The following LRP1B variants were observed in gnomAD, a reference collection of about 807,000 sequenced individuals.
LRP1B encodes LDL receptor related protein 1B.
A neutral mutation model predicts 556.6 loss-of-function variants in LRP1B; 217 were observed. That is an observed-to-expected ratio of 0.39 (90% CI 0.35 to 0.44). The LOEUF is 0.44. Among genes scored for constraint, LRP1B ranks in the 20% least tolerant of loss-of-function variants. The pLI is 1.00. For missense variants in LRP1B, 5,053 were observed against 5,620.8 expected, an observed-to-expected ratio of 0.90 and a Z score of 3.23; for synonymous variants, 2,047 against 1,865.8, an observed-to-expected ratio of 1.10 and a Z score of -2.50.
intron 1 of LRP1B, among the ~76,000 whole-genome samples, chr2:141,869,246 A>G (rs994778200): frequency 4.6e-5 from 7 of 152,054 alleles, no homozygotes; most frequent in African/African-American, 1.7e-4. Context: ...AAATATGGTT[A>G]CTGCAATGAA....
chr2:141,361,527 A>T (rs940152428), intron 3 of LRP1B, among the ~76,000 whole-genome samples: 1 of 152,224 alleles, frequency 6.6e-6, no homozygotes, highest in East Asian at 1.9e-4. Context: ...AAAATATTTT[A>T]AAAACCCTAA....
chr2:140,238,420 G>T, intron 88 of LRP1B, 124 bp from the exon 89 acceptor site: 1 of 529,044 alleles, frequency 1.9e-6, no homozygotes, highest in Non-Finnish European at 3.2e-6. Flanking sequence ...CATTTGTCAA[G>T]TAACAGAGGA....
rs1194955527 is a variant in LRP1B at position 141,015,803 on chromosome 2, G to T, written c.2083C>A (p.Leu695Met). Reference protein sequence around the residue: ...NRQIFVTSKMLWPNGLTLDFH... With the variant: ...NRQIFVTSKMMWPNGLTLDFH... ...TCCAGAGTTAAACCGTTTGGCCACAGCATCTTTGAAGTCACAAAAATCTGC... is the reference window on the plus strand; with the variant it reads ...TCCAGAGTTAAACCGTTTGGCCACATCATCTTTGAAGTCACAAAAATCTGC... Residue 695 changes from leucine (L) to methionine (M), a missense_variant, in exon 13 of 91, where the codon CTG becomes ATG. Around this residue, in one of 5 missense-constraint regions of LRP1B, gnomAD observed 3,619 missense variants for 3,931.9 expected, o/e 0.92. Transcript: ENST00000389484. The T allele has an allele frequency of 1.2e-6, 2 of 1,613,438 alleles. No individual in the cohort carries two copies. The highest frequency in any genetic ancestry group is 2.2e-5 in the South Asian group (2 of 91,074).
intron 57 of LRP1B, among the ~76,000 whole-genome samples, chr2:140,491,977 A>G (rs1311338276): frequency 1.3e-5 from 2 of 152,164 alleles, no homozygotes; most frequent in Non-Finnish European, 2.9e-5. Context: ...CTATCAATGC[A>G]GCAGCTGCTA....
chr2:140,967,525 CTTTA>C (rs1011419745), intron 18 of LRP1B, among the ~76,000 whole-genome samples: 4 of 152,036 alleles, frequency 2.6e-5, no homozygotes, highest in African/African-American at 9.7e-5. Context: ...AATGAATGCC[CTTTA>C]TTTCTTTCTC....
chr2:140,325,505 CAGAATGAAATTATTTTCTGAA>C (rs1440802944), intron 80 of LRP1B, among the ~76,000 whole-genome samples: 1 of 152,034 alleles, frequency 6.6e-6, no homozygotes, highest in African/African-American at 2.4e-5. Context: ...ACGGAAGCCA[CAGAATGAAATTATTTTCTGAA>C]TCTGGGCAGC....
chr2:141,013,234 C>G (rs917269695), intron 14 of LRP1B, among the ~76,000 whole-genome samples: 3 of 151,832 alleles, frequency 2.0e-5, no homozygotes, highest in Non-Finnish European at 4.4e-5. Flanking sequence ...ACAATACTTA[C>G]GCTTTGAAAA....
chr2:140,979,686 G>A (rs930992241), intron 18 of LRP1B, among the ~76,000 whole-genome samples: 3 of 152,144 alleles, frequency 2.0e-5, no homozygotes, highest in Non-Finnish European at 4.4e-5. Flanking sequence ...AACTATATGT[G>A]CATTTAAATC....
intron 3 of LRP1B, among the ~76,000 whole-genome samples, chr2:141,403,484 A>G (rs1690521231): frequency 6.6e-6 from 1 of 152,182 alleles, no homozygotes; most frequent in Non-Finnish European, 1.5e-5. Flanking sequence ...AGTTCAGATG[A>G]AAGCTAAAAT....
At chr2:141,366,647 G>A (rs1689045730) in intron 3 of LRP1B, among the ~76,000 whole-genome samples, 2 of 152,048 alleles carry the variant, frequency 1.3e-5, no homozygotes, top group African/African-American at 4.8e-5. Flanking sequence ...CGGCCATATT[G>A]GAGTTTCTTT....
intron 1 of LRP1B, among the ~76,000 whole-genome samples, chr2:141,907,208 A>C (rs555568494): frequency 1.0e-3 from 156 of 152,030 alleles, no homozygotes; most frequent in Non-Finnish European, 2.0e-3. Context: ...TATTTAAATA[A>C]ATTTCCATGA....
At position 141,905,763 on chromosome 2, in the gene LRP1B, AGATG is replaced by A. The variant is rs1224592867; in HGVS notation, c.83-95366_83-95363del. Among the ~76,000 whole-genome samples the A allele has an allele frequency of 1.9e-3, 214 of 115,196 alleles. 3 individuals carry two copies. Among genetic ancestry groups the A allele is most frequent in the Middle Eastern group, 4.8e-3 (1 of 210 alleles). The allele number at this position is 115,196 out of a possible 152,430, so 75.6% of individuals were successfully genotyped here. ...GGGAGAAAATGGATCTGGTTTGAAT[AGATG>A]TGTGTGTGTGTGTGTGTGTGTGTGT... On this transcript the variant is annotated intron_variant, in intron 1 of 90. Transcript: ENST00000389484.
chr2:140,264,717 TG>T (rs1682115185), intron 86 of LRP1B, among the ~76,000 whole-genome samples: 1 of 69,032 alleles, frequency 1.4e-5, no homozygotes, highest in South Asian at 5.1e-4. Flanking sequence ...TGTGTGTGTG[TG>T]TGTGTGTGTG....
intron 11 of LRP1B, among the ~76,000 whole-genome samples, chr2:141,033,042 C>T (rs1296993535): frequency 3.9e-5 from 6 of 151,928 alleles, no homozygotes; most frequent in Non-Finnish European, 8.8e-5. Flanking sequence ...CTGAGGAAAA[C>T]TTCCCAGGGA....
At chr2:140,875,634 A>G (rs1693281572) in intron 25 of LRP1B, among the ~76,000 whole-genome samples, 1 of 152,220 alleles carries the variant, frequency 6.6e-6, no homozygotes, top group African/African-American at 2.4e-5. Flanking sequence ...ACTTTTAAAA[A>G]TCAAATTAGA....
At position 140,495,611 on chromosome 2, in the gene LRP1B, C is replaced by A. The variant is rs2104873089; in HGVS notation, c.8988G>T (p.Gly2996=). ...YGTYKCLCTD[G]YEIQPDNPNG... is the part of the protein sequence containing the mutation. Reference sequence around the variant, plus strand: ...TTGGGTTATCAGGTTGTATTTCATACCCATCTGTACAGAGGCACTTGTAAG... The same window carrying A: ...TTGGGTTATCAGGTTGTATTTCATAACCATCTGTACAGAGGCACTTGTAAG... Residue 2996 remains glycine (G), a synonymous_variant, in exon 56 of 91, where the codon GGG becomes GGT. Coordinates refer to ENST00000389484, the MANE Select transcript of LRP1B (RefSeq NM_018557.3). 6.2e-7 allele frequency: 1 copy of A among 1,606,412 alleles called. No individual in the cohort carries two copies. The highest frequency in any genetic ancestry group is 8.5e-7 in the Non-Finnish European group (1 of 1,174,396).
At chr2:141,479,107 A>C (rs1682819666) in intron 3 of LRP1B, among the ~76,000 whole-genome samples, 1 of 152,178 alleles carries the variant, frequency 6.6e-6, no homozygotes, top group African/African-American at 2.4e-5. Context: ...AAGAGGGAAA[A>C]GACCTAGTGA....
chr2:140,444,222 C>A (rs906148759), intron 65 of LRP1B, 108 bp downstream of exon 65: 36 of 1,188,696 alleles, frequency 3.0e-5, no homozygotes, highest in Non-Finnish European at 3.6e-5. Flanking sequence ...ACCATAATTT[C>A]TTTTCAATTT....
intron 31 of LRP1B, among the ~76,000 whole-genome samples, chr2:140,829,855 T>C (rs1170351458): frequency 1.3e-5 from 2 of 150,980 alleles, no homozygotes; most frequent in African/African-American, 4.9e-5. Context: ...AAAGACAAAA[T>C]TGACAAACCT....
Sources: allele counts gnomAD v4.1 joint callset (sites outside exome capture counted in the v4.1 genomes callset), GRCh38; gene constraint gnomAD v4.1.1; regional missense constraint gnomAD v4.1.1; transcripts MANE v1.5; gene names NCBI Gene and HGNC (gene_info 2026-07-23, HGNC 2026-07-21).